Variants in LDHD observed in about 807,000 individuals in gnomAD.
LDHD encodes lactate dehydrogenase D.
In LDHD, 58 loss-of-function variants were observed where a neutral mutation model predicts 52.9. That is an observed-to-expected ratio of 1.10 (90% CI 0.89 to 1.36). The LOEUF (loss-of-function observed/expected upper bound fraction) is 1.36, where lower values mean the gene tolerates loss of function less well. Ranked by LOEUF, LDHD falls within the 40% of genes most tolerant of loss-of-function variation. The pLI, the probability that LDHD is intolerant of heterozygous loss-of-function variation, is 0.00. For synonymous variants in LDHD, 350 were observed against 288.6 expected (o/e 1.21, Z -2.16); for missense variants, 747 against 668.0 (o/e 1.12, Z -1.30).
At chr16:75,114,800 G>GT (rs755803596) in intron 4 of LDHD, 27 bp downstream of exon 4, 8 of 1,605,208 alleles carry the variant, frequency 5.0e-6, no homozygotes, top group Non-Finnish European at 6.8e-6. Flanking sequence ...TGCCCTCAGG[G>GT]TCCCAGGAAA....
At chr16:75,116,251 G>A (rs1310254226) in intron 1 of LDHD, among the ~76,000 whole-genome samples, 1 of 152,156 alleles carries the variant, frequency 6.6e-6, no homozygotes, top group Non-Finnish European at 1.5e-5. Flanking sequence ...CCCACTCTAC[G>A]TTGCCTGGGG....
chr16:75,113,500 C>T (rs1213828286), intron 8 of LDHD, 35 bp downstream of exon 8: 1 of 1,576,754 alleles, frequency 6.3e-7, no homozygotes, highest in Admixed American at 1.8e-5. Flanking sequence ...GTGGGCCGAG[C>T]TGTGGGCCCC....
chr16:75,114,450 A>C, intron 5 of LDHD, 76 bp downstream of exon 5: 1 of 1,414,168 alleles, frequency 7.1e-7, no homozygotes, highest in Middle Eastern at 2.6e-4. Flanking sequence ...GGTGCTTTTC[A>C]CAGCCCGGTC....
At chr16:75,115,121 T>G in intron 3 of LDHD, 77 bp downstream of exon 3, 1 of 1,550,168 alleles carries the variant, frequency 6.5e-7, no homozygotes, top group Non-Finnish European at 8.7e-7. Context: ...GTGCCGTGTG[T>G]GGCGGGGGAG....
At chr16:75,115,730 G>C in intron 1 of LDHD, 70 bp from the exon 2 acceptor site, 1 of 987,746 alleles carries the variant, frequency 1.0e-6, no homozygotes, top group Non-Finnish European at 1.5e-6. Context: ...CCCCAGTGTC[G>C]GGGGGAGGGC....
rs113220905 is a variant in LDHD at position 75,115,725 on chromosome 16, G to T, written c.73-65C>A. On this transcript the variant is annotated intron_variant, in intron 1 of 10. Transcript: ENST00000450168. ...CACATGGGGCCACAGCCCTGCCCCAGTGTCGGGGGGAGGGCTGGGGGCTGG... is the reference window on the plus strand; with the variant it reads ...CACATGGGGCCACAGCCCTGCCCCATTGTCGGGGGGAGGGCTGGGGGCTGG... 46 of 1,030,654 alleles carry T rather than the reference G, an allele frequency of 4.5e-5. No homozygotes were observed. In the African/African-American group the frequency reaches 5.5e-4, roughly 12 times the overall value. 63.8% of individuals were successfully genotyped at this position (1,030,654 alleles called of 1,614,324 possible). A position where few individuals can be genotyped will look rare whatever the true frequency, so the allele number is the denominator to read the frequency against.
Position 75,116,745 on chromosome 16 carries a change from G to A in LDHD, c.-25C>T, listed in dbSNP as rs1349240002. On this transcript the variant is annotated 5_prime_UTR_variant, in exon 1 of 11. Coordinates refer to ENST00000450168, the MANE Select transcript of LDHD (RefSeq NM_194436.3). ...TAGCCAGGCACTGGCCAGAGGGTGT[G>A]AGCACTGGGTGGCAGGGTGACCAGT... The A allele has an allele frequency of 1.3e-6, 2 of 1,523,400 alleles. No homozygotes were observed. Among genetic ancestry groups the A allele is most frequent in the Non-Finnish European group, 1.8e-6 (2 of 1,129,388 alleles). 94.4% of individuals were successfully genotyped at this position (1,523,400 alleles called of 1,614,324 possible). A position where few individuals can be genotyped will look rare whatever the true frequency, so the allele number is the denominator to read the frequency against.
Position 75,112,311 on chromosome 16 carries a change from G to A in LDHD, c.*45C>T, listed in dbSNP as rs564271097. 5 of 1,560,352 alleles carry A rather than the reference G, an allele frequency of 3.2e-6. No homozygotes were observed. Among genetic ancestry groups the A allele is most frequent in the Non-Finnish European group, 3.5e-6 (4 of 1,148,736 alleles). On this transcript the variant is annotated 3_prime_UTR_variant, in exon 11 of 11. Transcript: ENST00000450168. Reference sequence around the variant, plus strand: ...TGGCATGAAGAAAAGTTCCAGAACCGGCTCCGTAGTCAGGGAACTTGTGGG... The same window carrying A: ...TGGCATGAAGAAAAGTTCCAGAACCAGCTCCGTAGTCAGGGAACTTGTGGG...
In LDHD at chr16:75,114,615, G is replaced by A. The variant is rs200254787; in HGVS notation, c.540C>T (p.Tyr180=). The part of the protein sequence containing the change: ...TGASGTNAVR[Y]GTMRDNVLNL... ...TGAGCACGTTGTCCCGCATGGTGCC[G>A]TAGCGGACCGCGTTGGTCCCCGACG... Residue 180 remains tyrosine (Y), a synonymous_variant, in exon 5 of 11, where the codon TAC becomes TAT. Transcript: ENST00000450168. 8.9e-4 allele frequency: 1,360 copies of A among 1,534,150 alleles called. 3 individuals carry two copies. The highest frequency in any genetic ancestry group is 1.5e-3 in the South Asian group (130 of 84,034).
At chr16:75,113,383 C>T (rs185641185) in intron 8 of LDHD, 152 bp downstream of exon 8, 14 of 867,946 alleles carry the variant, frequency 1.6e-5, no homozygotes, top group African/African-American at 3.4e-5. Context: ...CTGGGTGGGG[C>T]GGTCTGCAGC....
Position 75,112,281 on chromosome 16 carries a change from G to A in LDHD, c.*75C>T, listed in dbSNP as rs946416574. ...GCCTCAGCATCTATTTCCTTGCAGG[G>A]GCCGTGGCATGAAGAAAAGTTCCAG... On this transcript the variant is annotated 3_prime_UTR_variant, in exon 11 of 11. Transcript: ENST00000450168. 171 of 1,494,764 alleles carry A rather than the reference G, an allele frequency of 1.1e-4. No homozygotes were observed. The East Asian group carries it at 3.7e-3, about 32-fold the overall frequency. 92.6% of individuals were successfully genotyped at this position (1,494,764 alleles called of 1,614,324 possible). A position where few individuals can be genotyped will look rare whatever the true frequency, so the allele number is the denominator to read the frequency against.
At position 75,114,884 on chromosome 16, in the gene LDHD, C is replaced by T. The variant is rs765797510; in HGVS notation, c.412G>A (p.Val138Ile). 15 of 1,613,928 alleles carry T rather than the reference C, an allele frequency of 9.3e-6. No homozygotes were observed. The highest frequency in any genetic ancestry group is 1.2e-5 in the Non-Finnish European group (14 of 1,180,016). ...EDFSVVVEPGVTRKALNAHLR... is the reference protein window; with the variant it reads ...EDFSVVVEPGITRKALNAHLR... ...TGGGCGTTGAGGGCTTTGCGGGTGA[C>T]ACCTGGCTCCACCACCACAGAGAAG... Residue 138 changes from valine to isoleucine, a missense_variant, in exon 4 of 11, where the codon GTC (valine) becomes ATC (isoleucine). Val to Ile is a conservative substitution (Grantham distance 29). Coordinates refer to ENST00000450168, the MANE Select transcript of LDHD (RefSeq NM_194436.3).
Position 75,111,954 on chromosome 16 carries a change from C to A in LDHD, c.*402G>T, listed in dbSNP as rs1014964006. 2.8e-5 allele frequency: 5 copies of A among 176,128 alleles called. No individual in the cohort carries two copies. Among genetic ancestry groups the A allele is most frequent in the Non-Finnish European group, 4.8e-5 (4 of 83,932 alleles). 10.9% of individuals were successfully genotyped at this position (176,128 alleles called of 1,614,324 possible). On this transcript the variant is annotated 3_prime_UTR_variant, in exon 11 of 11. Transcript: ENST00000450168. ...ATGTCACGGGAGCTCACGTTCCATACCAGGAAAGGAGTGTTCCTGTCACCA... is the reference window on the plus strand; with the variant it reads ...ATGTCACGGGAGCTCACGTTCCATAACAGGAAAGGAGTGTTCCTGTCACCA...
At position 75,115,315 on chromosome 16, in the gene LDHD, C is replaced by A. The variant is rs777561095; in HGVS notation, c.210G>T (p.Val70=). 5.6e-5 allele frequency: 91 copies of A among 1,613,560 alleles called. No individual in the cohort carries two copies. The highest frequency in any genetic ancestry group is 7.4e-5 in the Non-Finnish European group (87 of 1,180,032). ...VHRCEPPDAV[V]WPQNVEQVSR... ...TGACCTGCTCCACGTTCTGGGGCCA[C>A]ACCACAGCATCAGGAGGTTCGCACC... is the stretch of plus-strand genomic sequence containing the variant. Residue 70 remains valine (V), a synonymous_variant, in exon 3 of 11, where the codon GTG becomes GTT. Transcript: ENST00000450168.
In LDHD at chr16:75,115,182, G is replaced by C; in HGVS notation, c.327+16C>G. The C allele has an allele frequency of 6.2e-7, 1 of 1,607,782 alleles. No homozygotes were observed. The highest frequency in any genetic ancestry group is 1.8e-4 in the Middle Eastern group (1 of 5,578). On this transcript the variant is annotated intron_variant, in intron 3 of 10. Coordinates refer to ENST00000450168, the MANE Select transcript of LDHD (RefSeq NM_194436.3). ...CTGGGACCATCCTCGGGCCGGGCGA[G>C]GGAGCCCCACTGTACCTGCACAGCA...
At chr16:75,115,124 CG>C in intron 3 of LDHD, 73 bp downstream of exon 3, 1 of 1,549,996 alleles carries the variant, frequency 6.5e-7, no homozygotes, top group Non-Finnish European at 8.7e-7. Context: ...CCGTGTGTGG[CG>C]GGGGAGGCAG....
chr16:75,114,916 T>C lies in LDHD; in HGVS notation c.380A>G (p.Gln127Arg), dbSNP rs769565734. 3 of 1,614,026 alleles carry C rather than the reference T, an allele frequency of 1.9e-6. No homozygotes were observed. Among genetic ancestry groups the C allele is most frequent in the African/African-American group, 2.7e-5 (2 of 75,064 alleles). ...CTCCACCACCACAGAGAAGTCCTCC[T>C]GGTTCAGCTCCAGGATTCGGTCCAT... ...THMDRILELN[Q>R]EDFSVVVEPG... is the part of the protein sequence containing the mutation. Residue 127 changes from glutamine (Q) to arginine (R), a missense_variant, in exon 4 of 11, where the codon CAG becomes CGG. Coordinates refer to ENST00000450168, the MANE Select transcript of LDHD (RefSeq NM_194436.3).
At position 75,114,554 on chromosome 16, in the gene LDHD, G is replaced by C; in HGVS notation, c.601C>G (p.His201Asp). 6.5e-7 allele frequency: 1 copy of C among 1,530,472 alleles called. No homozygotes were observed. The highest frequency in any genetic ancestry group is 8.7e-7 in the Non-Finnish European group (1 of 1,143,664). The allele number at this position is 1,530,472 out of a possible 1,614,324, so 94.8% of individuals were successfully genotyped here. Residue 201 changes from histidine (H) to aspartate (D), a missense_variant, in exon 5 of 11, where the codon CAC becomes GAC. Coordinates refer to ENST00000450168, the MANE Select transcript of LDHD (RefSeq NM_194436.3). ...EVVLPDGRLL[H>D]TAGRGRHFRK... ...AAATGCCGGCCTCGGCCCGCCGTGT[G>C]CAGCAGCCGCCCGTCGGGCAGCACC...
Position 75,112,657 on chromosome 16 carries a change from G to A in LDHD, c.1234C>T (p.Pro412Ser), listed in dbSNP as rs199512450. The change falls in exon 10 of 11, where the codon CCT (proline) becomes TCT (serine). Residue 412 changes from proline to serine, a missense_variant. Pro to Ser is a moderately conservative substitution (Grantham distance 74, BLOSUM62 -1). Coordinates refer to ENST00000450168, the MANE Select transcript of LDHD (RefSeq NM_194436.3). ...GNFHCILLVNPDDAEELGRVK... is the reference protein window; with the variant it reads ...GNFHCILLVNSDDAEELGRVK... The stretch of plus-strand genomic sequence containing the variant: ...CTGCCCAGTTCCTCGGCGTCATCAG[G>A]GTTGACCAGCAGGATGCAGTGGAAG... 20 of 1,614,152 alleles carry A rather than the reference G, an allele frequency of 1.2e-5. No individual in the cohort carries two copies. The East Asian group carries it at 4.2e-4, about 34-fold the overall frequency.
Sources: allele counts gnomAD v4.1 joint callset (sites outside exome capture counted in the v4.1 genomes callset), GRCh38; gene constraint gnomAD v4.1.1; transcripts MANE v1.5; gene names NCBI Gene and HGNC (gene_info 2026-07-23, HGNC 2026-07-21).